TSFM: variants seen among roughly 807,000 people sequenced by gnomAD.
The protein encoded by TSFM is Ts translation elongation factor, mitochondrial, also known as elongation factor Ts, mitochondrial.
In TSFM, 29 loss-of-function variants were observed where a neutral mutation model predicts 33.4. That is an observed-to-expected ratio of 0.87 (90% CI 0.65 to 1.18). The LOEUF is 1.18. Among genes scored for constraint, TSFM ranks in the 50% most tolerant of loss-of-function variants. TSFM has a pLI of 0.00. For missense variants in TSFM, 394 were observed against 395.6 expected (o/e 1.00, Z 0.04); for synonymous variants, 178 against 163.5 (o/e 1.09, Z -0.68).
chr12:57,800,227 G>T, downstream of TSFM: 1 of 235,738 alleles, frequency 4.2e-6, no homozygotes, highest in Non-Finnish European at 8.4e-6. Context: ...ACCTTCTCTT[G>T]GTACTTTTAT....
chr12:57,801,296 A>G, downstream of TSFM: 1 of 1,126,838 alleles, frequency 8.9e-7, no homozygotes, highest in South Asian at 1.4e-5. Context: ...TCTTCAGGAA[A>G]AGCAAAAGAG....
intron 5 of TSFM, among the ~76,000 whole-genome samples, chr12:57,795,871 C>T (rs1303567896): frequency 1.3e-5 from 2 of 152,144 alleles, no homozygotes; most frequent in Non-Finnish European, 2.9e-5. Context: ...CCGCTTCAGC[C>T]TCCCAAAGTG....
At chr12:57,792,931 T>G in intron 4 of TSFM, 55 bp from the exon 5 acceptor site, 1 of 1,547,970 alleles carries the variant, frequency 6.5e-7, no homozygotes, top group East Asian at 2.3e-5. Flanking sequence ...GCCTATTCTT[T>G]TGATAATTTG....
At position 57,786,159 on chromosome 12, in the gene TSFM, A is replaced by G; in HGVS notation, c.232-4A>G. The G allele has an allele frequency of 6.2e-7, 1 of 1,600,370 alleles. No individual in the cohort carries two copies. The highest frequency in any genetic ancestry group is 8.5e-7 in the Non-Finnish European group (1 of 1,173,404). On this transcript the variant is annotated splice_region_variant and splice_polypyrimidine_tract_variant and intron_variant, in intron 2 of 5. Transcript: ENST00000652027. ...TGTCTGCTCTTTTTCCTCTCAATTT[A>G]CAGGCAGAGATCTGGCTCCACAAGG...
intron 4 of TSFM, among the ~76,000 whole-genome samples, chr12:57,792,243 C>T (rs1955672311): frequency 1.4e-5 from 2 of 139,842 alleles, no homozygotes; most frequent in African/African-American, 5.4e-5. Context: ...GACTCCATCT[C>T]AAAAAAAAGA....
chr12:57,790,346 G>A (rs1270149238), intron 4 of TSFM, among the ~76,000 whole-genome samples: 3 of 152,088 alleles, frequency 2.0e-5, no homozygotes, highest in African/African-American at 7.2e-5. Context: ...GGGATTACAG[G>A]CGTGAACCAC....
At chr12:57,786,370 G>C in intron 3 of TSFM, 79 bp downstream of exon 3, 1 of 1,454,738 alleles carries the variant, frequency 6.9e-7, no homozygotes, top group Non-Finnish European at 9.2e-7. Flanking sequence ...AAAGGGGCCT[G>C]TTCTTGAAGA....
chr12:57,800,164 C>T, downstream of TSFM: 1 of 424,898 alleles, frequency 2.4e-6, no homozygotes. Context: ...TCCTGTATAG[C>T]TAGTTTGGCA....
At chr12:57,791,771 G>A (rs966796404) in intron 4 of TSFM, among the ~76,000 whole-genome samples, 5 of 152,176 alleles carry the variant, frequency 3.3e-5, no homozygotes, top group African/African-American at 7.2e-5. Context: ...ATCTTGTGCA[G>A]TATTATTGGA....
chr12:57,794,098 A>T (rs1290259254), intron 5 of TSFM, among the ~76,000 whole-genome samples: 2 of 152,188 alleles, frequency 1.3e-5, no homozygotes, highest in East Asian at 1.9e-4. Context: ...TTATCAGGTC[A>T]TCTTGTATTA....
downstream of TSFM, chr12:57,801,232 AAC>A: frequency 1.9e-6 from 3 of 1,606,856 alleles, no homozygotes; most frequent in Non-Finnish European, 2.6e-6. Flanking sequence ...AGAGAGAGAA[AAC>A]ACAGGATGAG....
At chr12:57,794,541 T>C (rs1220074455) in intron 5 of TSFM, among the ~76,000 whole-genome samples, 2 of 152,224 alleles carry the variant, frequency 1.3e-5, no homozygotes, top group Non-Finnish European at 2.9e-5. Flanking sequence ...CTGTGGACTT[T>C]TTCCGGATAG....
chr12:57,790,163 C>T (rs909052283), intron 4 of TSFM, among the ~76,000 whole-genome samples: 8 of 150,864 alleles, frequency 5.3e-5, no homozygotes, highest in African/African-American at 9.7e-5. Context: ...TCCTGGGTCC[C>T]GGTTCAAGCA....
chr12:57,797,644 T>C, downstream of TSFM: 1 of 865,386 alleles, frequency 1.2e-6, no homozygotes, highest in Non-Finnish European at 1.4e-6. Context: ...TGCTTTCTGC[T>C]GAGGCTTTAG....
intron 5 of TSFM, 80 bp from the exon 6 acceptor site, chr12:57,796,097 G>C (rs746491358): frequency 1.8e-5 from 23 of 1,298,580 alleles, no homozygotes; most frequent in Non-Finnish European, 2.4e-5. Flanking sequence ...TCCAAACTGG[G>C]CCTCTTCTGT....
Position 57,786,355 on chromosome 12 carries a change from G to A in TSFM, c.360+64G>A, listed in dbSNP as rs1955591361. 4 of 1,527,018 alleles carry A rather than the reference G, an allele frequency of 2.6e-6. No homozygotes were observed. The Admixed American group carries it at 8.6e-5, about 33-fold the overall frequency. The allele number at this position is 1,527,018 out of a possible 1,614,324, so 94.6% of individuals were successfully genotyped here. ...CCCTTGGGTGTAAAGCTTGTAGTAG[G>A]CCCTAAAGGGGCCTGTTCTTGAAGA... On this transcript the variant is annotated intron_variant, in intron 3 of 5. Transcript: ENST00000652027.
chr12:57,793,166 T>C, intron 5 of TSFM, 93 bp downstream of exon 5: 2 of 1,081,716 alleles, frequency 1.8e-6, no homozygotes, highest in Non-Finnish European at 2.8e-6. Context: ...ATCATGTGCC[T>C]ACAAGGGTCA....
rs144766871 is a variant in TSFM at position 57,789,645 on chromosome 12, C to T, written c.483+2483C>T. On this transcript the variant is annotated intron_variant, in intron 4 of 5. Coordinates refer to ENST00000652027, the MANE Select transcript of TSFM (RefSeq NM_005726.6). Reference sequence around the variant, plus strand: ...CCTCCCAGAGTGCTGGGATTACAGGCGTGAGCCACCGCACCCAGCCAAAAT... The same window carrying T: ...CCTCCCAGAGTGCTGGGATTACAGGTGTGAGCCACCGCACCCAGCCAAAAT... Among the ~76,000 whole-genome samples the T allele has an allele frequency of 5.3e-3, 809 of 152,316 alleles. 4 individuals carry two copies. Among genetic ancestry groups the T allele is most frequent in the African/African-American group, 0.019 (782 of 41,574 alleles).
chr12:57,799,762 C>T (rs1955808536), downstream of TSFM: 3 of 1,612,442 alleles, frequency 1.9e-6, no homozygotes, highest in South Asian at 2.2e-5. Context: ...GAGAGCTCCA[C>T]TTCCAACAGA....
Sources: gnomAD v4.1 joint callset for allele counts (sites outside exome capture counted in the v4.1 genomes callset) on GRCh38, gnomAD v4.1.1 for gene constraint, MANE v1.5 for transcripts, NCBI Gene and HGNC (gene_info 2026-07-23, HGNC 2026-07-21) for gene names.